DPYD: variants seen among roughly 807,000 people sequenced by gnomAD.
The protein encoded by DPYD is dihydropyrimidine dehydrogenase [NADP(+)].
Under a neutral mutation model 116.2 loss-of-function variants are expected in DPYD, and 109 were observed. The ratio of observed to expected loss-of-function variants is 0.94; its 90% CI spans 0.80 to 1.10. The LOEUF (loss-of-function observed/expected upper bound fraction) is 1.10. Among genes scored for constraint, DPYD ranks in the 50% least tolerant of loss-of-function variants. The pLI, the probability that DPYD is intolerant of heterozygous loss-of-function variation, is 0.00. For synonymous variants in DPYD, 440 were observed against 432.0 expected, an observed-to-expected ratio of 1.02 and a Z score of -0.23; for missense variants, 1,302 against 1,254.5, an observed-to-expected ratio of 1.04 and a Z score of -0.57.
At chr1:97,188,190 T>G (rs901659224) in intron 20 of DPYD, among the ~76,000 whole-genome samples, 28 of 152,220 alleles carry the variant, frequency 1.8e-4, no homozygotes, top group African/African-American at 6.5e-4. Flanking sequence ...ACAACCACCA[T>G]GACAGAATTT....
intron 8 of DPYD, among the ~76,000 whole-genome samples, chr1:97,609,090 C>G (rs972490049): frequency 6.6e-6 from 1 of 151,886 alleles, no homozygotes; most frequent in African/African-American, 2.4e-5. Context: ...GTTTAATAAA[C>G]TGAGCAGTCT....
chr1:97,137,582 T>C (rs1387934529), intron 20 of DPYD, among the ~76,000 whole-genome samples: 1 of 152,246 alleles, frequency 6.6e-6, no homozygotes, highest in Non-Finnish European at 1.5e-5. Flanking sequence ...AGACATTCTG[T>C]CGGCTCTGTA....
chr1:97,408,812 C>T (rs1298000080), intron 14 of DPYD, among the ~76,000 whole-genome samples: 9 of 152,300 alleles, frequency 5.9e-5, no homozygotes, highest in African/African-American at 1.7e-4. Context: ...AAAGAGCAGA[C>T]TTGCTGAGTC....
chr1:97,290,858 C>A (rs1371484232), intron 18 of DPYD, among the ~76,000 whole-genome samples: 4 of 152,092 alleles, frequency 2.6e-5, no homozygotes, highest in Non-Finnish European at 5.9e-5. Context: ...AACTAAAGAG[C>A]TTCTGCACAG....
intron 14 of DPYD, among the ~76,000 whole-genome samples, chr1:97,390,770 A>G (rs1010029599): frequency 6.6e-6 from 1 of 152,000 alleles, no homozygotes; most frequent in Admixed American, 6.6e-5. Context: ...ATGTTTTCCA[A>G]CACAACAGGA....
intron 10 of DPYD, among the ~76,000 whole-genome samples, chr1:97,583,121 A>C (rs985793430): frequency 1.3e-5 from 2 of 151,960 alleles, no homozygotes; most frequent in Non-Finnish European, 2.9e-5. Flanking sequence ...GGCGCCCGCC[A>C]CCACACCCCG....
intron 15 of DPYD, among the ~76,000 whole-genome samples, chr1:97,374,696 G>GTGACAC (rs1671501305): frequency 8.1e-6 from 1 of 123,722 alleles, no homozygotes; most frequent in South Asian, 2.8e-4. Context: ...TCCAGCCTGG[G>GTGACAC]AAAGAGCAAG....
intron 16 of DPYD, among the ~76,000 whole-genome samples, chr1:97,329,752 T>TAA (rs10719278): frequency 7.9e-6 from 1 of 127,276 alleles, no homozygotes. Flanking sequence ...AACTCCATCT[T>TAA]AAAAAAAAAA....
chr1:97,237,444 A>G (rs928087858), intron 18 of DPYD, among the ~76,000 whole-genome samples: 1 of 152,186 alleles, frequency 6.6e-6, no homozygotes, highest in African/African-American at 2.4e-5. Flanking sequence ...AGTTAGGAAT[A>G]TTCAATGCTG....
intron 20 of DPYD, among the ~76,000 whole-genome samples, chr1:97,130,685 CCTTT>C (rs1001297014): frequency 2.0e-5 from 3 of 150,176 alleles, no homozygotes; most frequent in Admixed American, 2.0e-4. Context: ...TTCCTTCCTT[CCTTT>C]CCTTCCCTCC....
chr1:97,505,456 T>C (rs1005367737), intron 13 of DPYD, among the ~76,000 whole-genome samples: 12 of 151,352 alleles, frequency 7.9e-5, no homozygotes, highest in Non-Finnish European at 4.4e-5. Context: ...AATAAAAAAA[T>C]AAAATATTGA....
intron 8 of DPYD, among the ~76,000 whole-genome samples, chr1:97,632,222 T>A (rs1657306913): frequency 6.6e-6 from 1 of 152,086 alleles, no homozygotes; most frequent in Admixed American, 6.6e-5. Flanking sequence ...TACTAAATGT[T>A]CAATGAAACA....
intron 14 of DPYD, among the ~76,000 whole-genome samples, chr1:97,445,503 TA>T (rs1421271692): frequency 6.6e-6 from 1 of 152,138 alleles, no homozygotes; most frequent in Non-Finnish European, 1.5e-5. Context: ...GCTTCTCCCA[TA>T]ACCTAATATG....
chr1:97,462,557 T>G (rs1302452612), intron 13 of DPYD, among the ~76,000 whole-genome samples: 1 of 152,136 alleles, frequency 6.6e-6, no homozygotes, highest in Non-Finnish European at 1.5e-5. Context: ...CTCCTCCTTT[T>G]GAAATTCAGG....
intron 8 of DPYD, among the ~76,000 whole-genome samples, chr1:97,664,429 TTAAAC>T (rs920597299): frequency 4.6e-5 from 7 of 151,908 alleles, no homozygotes; most frequent in Admixed American, 1.3e-4. Context: ...GTTTAGTACT[TTAAAC>T]TATAGCTTAA....
intron 13 of DPYD, among the ~76,000 whole-genome samples, chr1:97,460,745 A>G (rs1676969443): frequency 6.6e-6 from 1 of 152,108 alleles, no homozygotes; most frequent in African/African-American, 2.4e-5. Context: ...CTCCTTGCAA[A>G]AGAAGAGACA....
At chr1:97,667,351 C>A (rs1169952169) in intron 8 of DPYD, among the ~76,000 whole-genome samples, 3 of 151,964 alleles carry the variant, frequency 2.0e-5, no homozygotes, top group Non-Finnish European at 2.9e-5. Flanking sequence ...ATGTGAATGC[C>A]ATTTAATTTT....
At chr1:97,392,124 G>C (rs548326115) in intron 14 of DPYD, among the ~76,000 whole-genome samples, 2 of 152,130 alleles carry the variant, frequency 1.3e-5, no homozygotes, top group South Asian at 4.1e-4. Context: ...CGAAGATATT[G>C]CAGGTTTGAT....
chr1:97,843,904 A>T (rs1454298254), intron 2 of DPYD, among the ~76,000 whole-genome samples: 1 of 152,252 alleles, frequency 6.6e-6, no homozygotes, highest in African/African-American at 2.4e-5. Flanking sequence ...ATGAAAAAAT[A>T]TACATACTTC....
Sources: gnomAD v4.1 joint callset for allele counts (sites outside exome capture counted in the v4.1 genomes callset) on GRCh38, gnomAD v4.1.1 for gene constraint, MANE v1.5 for transcripts, NCBI Gene and HGNC (gene_info 2026-07-23, HGNC 2026-07-21) for gene names.